CTNNA3: variants seen among roughly 807,000 people sequenced by gnomAD.
CTNNA3 encodes catenin alpha-3.
Under a neutral mutation model 95.7 loss-of-function variants are expected in CTNNA3, and 76 were observed. The observed-to-expected ratio is 0.79, with a 90% CI of 0.66 to 0.96. The LOEUF (loss-of-function observed/expected upper bound fraction) is 0.96. Ranked by LOEUF, CTNNA3 falls within the 40% of genes least tolerant of loss-of-function variation. The probability of loss-of-function intolerance (pLI) is 0.00; values close to 1 mark genes in which losing one functional copy is unlikely to be tolerated. For synonymous variants in CTNNA3, 431 were observed against 374.4 expected (o/e 1.15, Z -1.74); for missense variants, 1,191 against 1,089.8 (o/e 1.09, Z -1.31).
chr10:66,242,405 A>AGG (rs1160281888), intron 13 of CTNNA3, among the ~76,000 whole-genome samples: 1 of 152,204 alleles, frequency 6.6e-6, no homozygotes, highest in African/African-American at 2.4e-5. Context: ...ACTGACACAG[A>AGG]TTGGAGACGA....
intron 15 of CTNNA3, among the ~76,000 whole-genome samples, chr10:66,032,948 T>C (rs573884756): frequency 9.9e-5 from 15 of 152,220 alleles, no homozygotes; most frequent in African/African-American, 3.4e-4. Context: ...CCATGTTTGG[T>C]AGAAGCAAAA....
At chr10:67,356,038 C>T (rs145522072) in intron 5 of CTNNA3, among the ~76,000 whole-genome samples, 135 of 152,128 alleles carry the variant, frequency 8.9e-4, no homozygotes, top group African/African-American at 3.2e-3. Context: ...TTTATCACCA[C>T]AGGAAACCCA....
intron 14 of CTNNA3, among the ~76,000 whole-genome samples, chr10:66,083,699 T>C (rs1311288250): frequency 6.6e-6 from 1 of 152,166 alleles, no homozygotes; most frequent in Non-Finnish European, 1.5e-5. Flanking sequence ...GAAACCATCG[T>C]ATATCCATTA....
chr10:65,993,437 A>C (rs1382802174), intron 15 of CTNNA3, among the ~76,000 whole-genome samples: 1 of 152,190 alleles, frequency 6.6e-6, no homozygotes, highest in Non-Finnish European at 1.5e-5. Flanking sequence ...TATTGGGTAC[A>C]TATGTATTTA....
intron 12 of CTNNA3, among the ~76,000 whole-genome samples, chr10:66,358,696 G>A (rs142786266): frequency 1.3e-5 from 2 of 152,194 alleles, no homozygotes; most frequent in Admixed American, 1.3e-4. Context: ...AAGTATCTTT[G>A]CAATCAAAAG....
chr10:67,701,634 A>T (rs1589575865), intron 1 of CTNNA3, among the ~76,000 whole-genome samples: 1 of 152,252 alleles, frequency 6.6e-6, no homozygotes, highest in Non-Finnish European at 1.5e-5. Flanking sequence ...AGCACTAAAC[A>T]TGGAAAGGAA....
chr10:67,336,937 A>G (rs1041468286), intron 5 of CTNNA3, among the ~76,000 whole-genome samples: 1 of 152,216 alleles, frequency 6.6e-6, no homozygotes, highest in Admixed American at 6.5e-5. Flanking sequence ...TTGACAATGC[A>G]CCTGGTCACC....
chr10:66,123,725 C>T (rs181978510), intron 13 of CTNNA3, among the ~76,000 whole-genome samples: 43 of 152,310 alleles, frequency 2.8e-4, no homozygotes, highest in Non-Finnish European at 5.7e-4. Context: ...AAATTCTTGA[C>T]CTCTGTGCAC....
chr10:66,511,576 T>C (rs1476403347), intron 11 of CTNNA3, among the ~76,000 whole-genome samples: 2 of 151,846 alleles, frequency 1.3e-5, no homozygotes, highest in Non-Finnish European at 2.9e-5. Context: ...TTTTCATTTC[T>C]TTCAAGAAGT....
At chr10:66,639,641 ACT>A (rs531259963) in intron 9 of CTNNA3, among the ~76,000 whole-genome samples, 154 of 152,184 alleles carry the variant, frequency 1.0e-3, no homozygotes, top group African/African-American at 3.4e-3. Context: ...CTAACTCTCC[ACT>A]CTTTCATATT....
chr10:66,268,415 G>A (rs767526253), intron 13 of CTNNA3, among the ~76,000 whole-genome samples: 1 of 152,062 alleles, frequency 6.6e-6, no homozygotes, highest in African/African-American at 2.4e-5. Flanking sequence ...CAAAAAGCCC[G>A]ACTATCCAGT....
chr10:66,271,441 T>C (rs980459971), intron 13 of CTNNA3, among the ~76,000 whole-genome samples: 9 of 152,274 alleles, frequency 5.9e-5, no homozygotes, highest in African/African-American at 2.2e-4. Context: ...TGTACCAAAA[T>C]AATAAAACTT....
chr10:66,617,965 C>T (rs1844586724), intron 10 of CTNNA3, among the ~76,000 whole-genome samples: 3 of 151,654 alleles, frequency 2.0e-5, no homozygotes, highest in African/African-American at 2.4e-5. Flanking sequence ...TTCACAATTG[C>T]TTCAAAGAGA....
At chr10:65,946,259 A>G (rs546521955) in intron 17 of CTNNA3, among the ~76,000 whole-genome samples, 3 of 152,346 alleles carry the variant, frequency 2.0e-5, no homozygotes, top group Middle Eastern at 3.4e-3. Context: ...CATGTACTAT[A>G]CAGGCATATG....
At chr10:67,743,822 A>G (rs900477975) in intron 1 of CTNNA3, among the ~76,000 whole-genome samples, 10 of 151,368 alleles carry the variant, frequency 6.6e-5, no homozygotes, top group East Asian at 3.9e-4. Flanking sequence ...TACAAAATCA[A>G]TGTGCAAAAA....
At chr10:66,317,509 T>TAA (rs1027903326) in intron 12 of CTNNA3, among the ~76,000 whole-genome samples, 3 of 151,960 alleles carry the variant, frequency 2.0e-5, no homozygotes, top group Admixed American at 1.3e-4. Context: ...CCGTCTTTAC[T>TAA]AAAAATACAA....
At chr10:67,084,534 C>A (rs1857204875) in intron 7 of CTNNA3, among the ~76,000 whole-genome samples, 3 of 151,856 alleles carry the variant, frequency 2.0e-5, no homozygotes, top group Admixed American at 2.0e-4. Context: ...GAGAAAAAAT[C>A]ATTTTCACCC....
chr10:66,553,749 A>G (rs1168704023), intron 10 of CTNNA3, among the ~76,000 whole-genome samples: 1 of 151,426 alleles, frequency 6.6e-6, no homozygotes, highest in Non-Finnish European at 1.5e-5. Flanking sequence ...GGATGGTGTC[A>G]ATCTCCTGAC....
intron 7 of CTNNA3, among the ~76,000 whole-genome samples, chr10:67,103,803 A>C (rs1413340251): frequency 6.6e-6 from 1 of 151,656 alleles, no homozygotes; most frequent in African/African-American, 2.4e-5. Context: ...CTTATTCTGA[A>C]CACAGCAGAA....
Sources: gnomAD v4.1 joint callset for allele counts (sites outside exome capture counted in the v4.1 genomes callset) on GRCh38, gnomAD v4.1.1 for gene constraint, MANE v1.5 for transcripts, NCBI Gene and HGNC (gene_info 2026-07-23, HGNC 2026-07-21) for gene names.